The following CYRIB variants were observed in gnomAD, a reference collection of about 807,000 sequenced individuals.
CYRIB encodes CYFIP-related Rac1 interactor B.
In CYRIB, 8 loss-of-function variants were observed where a neutral mutation model predicts 44.2. The observed-to-expected ratio is 0.18, with a 90% CI of 0.11 to 0.33. The LOEUF (loss-of-function observed/expected upper bound fraction) is 0.33, where lower values mean the gene tolerates loss of function less well. Ranked by LOEUF, CYRIB falls within the 10% of genes least tolerant of loss-of-function variation. The pLI, the probability that CYRIB is intolerant of heterozygous loss-of-function variation, is 1.00. For synonymous variants in CYRIB, 131 were observed against 127.2 expected (o/e 1.03, Z -0.20); for missense variants, 185 against 382.8 (o/e 0.48, Z 4.31).
intron 5 of CYRIB, among the ~76,000 whole-genome samples, chr8:129,856,692 C>T (rs544500254): frequency 1.3e-5 from 2 of 152,296 alleles, no homozygotes; most frequent in South Asian, 2.1e-4. Context: ...TGAAGATTTA[C>T]GTATGAGTCA....
At chr8:129,907,378 T>C (rs1228639289) in intron 1 of CYRIB, among the ~76,000 whole-genome samples, 2 of 151,280 alleles carry the variant, frequency 1.3e-5, no homozygotes, top group Non-Finnish European at 2.9e-5. Flanking sequence ...TTCTCACTCA[T>C]AGGTGGGAAC....
intron 1 of CYRIB, among the ~76,000 whole-genome samples, chr8:129,994,584 A>G (rs1358456371): frequency 6.6e-6 from 1 of 152,216 alleles, no homozygotes; most frequent in African/African-American, 2.4e-5. Flanking sequence ...AATGGGAGGC[A>G]GGTGCAGAGA....
intron 2 of CYRIB, among the ~76,000 whole-genome samples, chr8:129,892,468 T>C (rs192997355): frequency 2.6e-5 from 4 of 152,274 alleles, no homozygotes; most frequent in Non-Finnish European, 1.5e-5. Context: ...ATTACCAAAA[T>C]TGTCAGAATT....
chr8:129,850,397 A>C (rs1044153804), intron 9 of CYRIB: 1 of 158,052 alleles, frequency 6.3e-6, no homozygotes, highest in African/African-American at 2.4e-5. Context: ...AAAGAGTGAC[A>C]ATTAATTATT....
At chr8:129,864,372 T>A (rs1211964858) in intron 4 of CYRIB, 1 of 152,292 alleles carries the variant, frequency 6.6e-6, no homozygotes, top group African/African-American at 2.4e-5. Flanking sequence ...GGCCCAGACT[T>A]GGTAATGATT....
At chr8:129,996,313 T>C (rs1243159914) in intron 1 of CYRIB, among the ~76,000 whole-genome samples, 1 of 152,062 alleles carries the variant, frequency 6.6e-6, no homozygotes, top group East Asian at 1.9e-4. Context: ...CTTCCCTACA[T>C]CACAAGCTCC....
chr8:129,864,856 T>C, intron 4 of CYRIB: 2 of 418,872 alleles, frequency 4.8e-6, no homozygotes, highest in Admixed American at 2.6e-5. Context: ...GTTTTCCTCA[T>C]TGATCAATTC....
At chr8:129,987,857 C>A (rs989310381) in intron 1 of CYRIB, among the ~76,000 whole-genome samples, 1 of 152,142 alleles carries the variant, frequency 6.6e-6, no homozygotes. Flanking sequence ...CAGTCGTGAG[C>A]CATCGCGCCC....
upstream of CYRIB, chr8:130,017,122 C>T (rs2097360935): frequency 1.3e-5 from 2 of 152,276 alleles, no homozygotes; most frequent in Admixed American, 1.3e-4. Context: ...CAGATACTTA[C>T]TGGGCCTACT....
chr8:129,981,303 C>T (rs147271224), intron 1 of CYRIB, among the ~76,000 whole-genome samples: 13 of 152,268 alleles, frequency 8.5e-5, no homozygotes, highest in African/African-American at 2.9e-4. Flanking sequence ...CCACGCCTTG[C>T]TAATTTTTGT....
At chr8:129,965,247 A>T (rs2095425068) in intron 2 of CYRIB, among the ~76,000 whole-genome samples, 1 of 86,770 alleles carries the variant, frequency 1.2e-5, no homozygotes, top group Non-Finnish European at 2.3e-5. Flanking sequence ...TCCCCCAGAC[A>T]CTGTGTGTGT....
chr8:129,885,201 A>G (rs1183988380), intron 2 of CYRIB, among the ~76,000 whole-genome samples: 1 of 152,134 alleles, frequency 6.6e-6, no homozygotes, highest in African/African-American at 2.4e-5. Context: ...TTTTCCCATG[A>G]CTGGCTTCTT....
intron 4 of CYRIB, among the ~76,000 whole-genome samples, chr8:129,865,288 T>C (rs1482990091): frequency 1.3e-5 from 2 of 152,182 alleles, no homozygotes; most frequent in Non-Finnish European, 2.9e-5. Context: ...ATAAATTCTT[T>C]AACTAGCTCT....
chr8:129,845,598 A>G (rs1437841881), intron 11 of CYRIB, among the ~76,000 whole-genome samples: 1 of 152,246 alleles, frequency 6.6e-6, no homozygotes, highest in Non-Finnish European at 1.5e-5. Flanking sequence ...ACTTTTCATA[A>G]TCTTTTAAAA....
chr8:129,886,711 C>A (rs940867010), intron 2 of CYRIB, among the ~76,000 whole-genome samples: 6 of 152,090 alleles, frequency 3.9e-5, no homozygotes, highest in Non-Finnish European at 8.8e-5. Flanking sequence ...AGCCCTCACA[C>A]CTTACCTTGC....
At chr8:129,862,361 T>C (rs1400511001) in intron 4 of CYRIB, 27 bp from the exon 7 acceptor site, 2 of 1,541,948 alleles carry the variant, frequency 1.3e-6, no homozygotes, top group Non-Finnish European at 1.8e-6. Flanking sequence ...ATAAAAATAG[T>C]TAGAGTTAAA....
At chr8:129,855,719 G>A in exon 6 of CYRIB, 9 of 1,613,678 alleles carry the variant, frequency 5.6e-6, no homozygotes, top group Non-Finnish European at 7.6e-6. Context: ...TACTTGTTAA[G>A]GCTCCCAGAA....
At chr8:129,878,542 T>G (rs1211172532) in intron 3 of CYRIB, among the ~76,000 whole-genome samples, 6 of 152,160 alleles carry the variant, frequency 3.9e-5, no homozygotes, top group African/African-American at 1.4e-4. Context: ...ACCTAAGAAA[T>G]ACCTCTTCAC....
intron 1 of CYRIB, among the ~76,000 whole-genome samples, chr8:129,988,909 C>G (rs772816190): frequency 1.3e-5 from 2 of 152,044 alleles, no homozygotes; most frequent in Non-Finnish European, 2.9e-5. Flanking sequence ...ATCATTGCAA[C>G]GTTGGGAGAG....
Sources: allele counts gnomAD v4.1 joint callset (sites outside exome capture counted in the v4.1 genomes callset), GRCh38; gene constraint gnomAD v4.1.1; transcripts MANE v1.5; gene names NCBI Gene and HGNC (gene_info 2026-07-23, HGNC 2026-07-21).